The following SLIT1 variants were observed in gnomAD, a reference collection of about 807,000 sequenced individuals.
SLIT1 encodes the protein slit homolog 1 protein.
Under a neutral mutation model 186.1 loss-of-function variants are expected in SLIT1, and 66 were observed. The observed-to-expected ratio is 0.35, with a 90% CI of 0.29 to 0.44. The LOEUF is 0.44. Among genes scored for constraint, SLIT1 ranks in the 20% least tolerant of loss-of-function variants. The pLI is 1.00. For missense variants in SLIT1, 1,638 were observed against 2,037.4 expected (o/e 0.80, Z 3.77); for synonymous variants, 761 against 833.8 (o/e 0.91, Z 1.50).
chr10:97,043,150 A>C lies in SLIT1; in HGVS notation c.1998-83T>G. 1 of 1,474,432 alleles carries C rather than the reference A, an allele frequency of 6.8e-7. No individual in the cohort carries two copies. Among genetic ancestry groups the C allele is most frequent in the South Asian group, 1.3e-5 (1 of 78,896 alleles). 91.3% of individuals were successfully genotyped at this position (1,474,432 alleles called of 1,614,324 possible). ...CAAACCCCTCCTGTACCACGGACAC[A>C]GGGCCACATGGCCACATGGCACTGT... On this transcript the variant is annotated intron_variant, in intron 19 of 36. Transcript: ENST00000266058. This position sits in a 1 kb window ranked among gnomAD's most constrained non-coding sequence, Gnocchi z 7.0.
At chr10:97,110,332 A>T (rs1291266446) in intron 4 of SLIT1, among the ~76,000 whole-genome samples, 1 of 152,176 alleles carries the variant, frequency 6.6e-6, no homozygotes, top group Admixed American at 6.5e-5. Context: ...CCAGGTATTC[A>T]CCGAAGACGC....
At chr10:97,093,460 A>C (rs561599791) in intron 4 of SLIT1, among the ~76,000 whole-genome samples, 26 of 152,348 alleles carry the variant, frequency 1.7e-4, no homozygotes, top group Admixed American at 7.2e-4. Flanking sequence ...AGGCTGACTC[A>C]GTTGGGAAAG....
chr10:97,052,256 C>G (rs1373166958), intron 13 of SLIT1, among the ~76,000 whole-genome samples: 2 of 151,992 alleles, frequency 1.3e-5, no homozygotes, highest in South Asian at 2.1e-4. Context: ...ACCACCACAC[C>G]TGGCTAATTT....
chr10:97,113,207 T>C (rs1445432050), intron 4 of SLIT1, among the ~76,000 whole-genome samples: 1 of 152,236 alleles, frequency 6.6e-6, no homozygotes, highest in African/African-American at 2.4e-5. Flanking sequence ...ATTTTCCATC[T>C]GAATCAGCTC....
intron 1 of SLIT1, among the ~76,000 whole-genome samples, chr10:97,171,021 G>A (rs539405387): frequency 1.1e-4 from 16 of 152,192 alleles, no homozygotes; most frequent in African/African-American, 3.6e-4. Context: ...GCTTGCGGTG[G>A]ATGGAGAGGC....
chr10:97,013,617 A>C, intron 30 of SLIT1, 124 bp downstream of exon 30: 1 of 712,620 alleles, frequency 1.4e-6, no homozygotes, highest in Non-Finnish European at 2.4e-6. Context: ...GGAACCCTGT[A>C]GAGCTGAGAC....
intron 3 of SLIT1, among the ~76,000 whole-genome samples, chr10:97,161,764 G>C (rs182387406): frequency 7.2e-5 from 11 of 152,324 alleles, no homozygotes; most frequent in Non-Finnish European, 1.3e-4. Flanking sequence ...GGCAACAAGA[G>C]TGAAACTCCG....
intron 1 of SLIT1, among the ~76,000 whole-genome samples, chr10:97,185,053 G>A (rs1275828231): frequency 1.3e-5 from 2 of 152,252 alleles, no homozygotes; most frequent in African/African-American, 2.4e-5. Flanking sequence ...GGGAATCTGC[G>A]CAGCTGGCTC....
At chr10:97,072,051 G>A (rs1849005621) in intron 4 of SLIT1, among the ~76,000 whole-genome samples, 2 of 152,232 alleles carry the variant, frequency 1.3e-5, no homozygotes, top group Admixed American at 1.3e-4. Flanking sequence ...TGACTGGGGA[G>A]GAGCAGAGGC....
chr10:97,185,587 C>A lies in SLIT1; in HGVS notation c.88G>T (p.Gly30Cys). Residue 30 changes from glycine (G) to cysteine (C), a missense_variant, in exon 1 of 37, where the codon GGT becomes TGT. Physicochemically the swap from Gly to Cys is radical, Grantham distance 159 (BLOSUM62 -3). Around this residue, in one of 3 missense-constraint regions of SLIT1, gnomAD observed 1,245 missense variants for 1,535.3 expected, o/e 0.81. Coordinates refer to ENST00000266058, the MANE Select transcript of SLIT1 (RefSeq NM_003061.3). ...LLLWAAAWRL[G>C]ASACPALCTC... Reference sequence around the variant, plus strand: ...CAGAGGGCGGGGCACGCCGAGGCACCCAGGCGCCACGCGGCTGCCCACAGC... The same window carrying A: ...CAGAGGGCGGGGCACGCCGAGGCACACAGGCGCCACGCGGCTGCCCACAGC... 1.0e-5 allele frequency: 16 copies of A among 1,600,054 alleles called. No individual in the cohort carries two copies. The highest frequency in any genetic ancestry group is 1.3e-5 in the Non-Finnish European group (15 of 1,174,646).
Position 97,050,689 on chromosome 10 carries a change from TGTGCCTCA to T in SLIT1, c.1302-1579_1302-1572del, listed in dbSNP as rs534641156. Among the ~76,000 whole-genome samples the T allele has an allele frequency of 9.7e-4, 148 of 152,358 alleles. 1 individual carries two copies. Among genetic ancestry groups the T allele is most frequent in the African/African-American group, 3.3e-3 (137 of 41,578 alleles). ...CCCCAGCTGCCCATCCACATCTGGC[TGTGCCTCA>T]GTGCCTCAGCCCCTGCCTGAACCAA... is the stretch of plus-strand genomic sequence containing the variant. On this transcript the variant is annotated intron_variant, in intron 13 of 36. Coordinates refer to ENST00000266058, the MANE Select transcript of SLIT1 (RefSeq NM_003061.3).
chr10:97,000,911 C>T lies in SLIT1; in HGVS notation c.*201G>A, dbSNP rs1460727290. On this transcript the variant is annotated 3_prime_UTR_variant, in exon 37 of 37. Transcript: ENST00000266058. ...GGAGAGGGCAGCCCGCAGCTCAGGC[C>T]TCGCCCACCCCCGCTGCCCCCAGCT... 6 of 592,250 alleles carry T rather than the reference C, an allele frequency of 1.0e-5. No individual in the cohort carries two copies. Among genetic ancestry groups the T allele is most frequent in the Non-Finnish European group, 1.5e-5 (5 of 332,582 alleles). 36.7% of individuals were successfully genotyped at this position (592,250 alleles called of 1,614,324 possible).
intron 1 of SLIT1, among the ~76,000 whole-genome samples, chr10:97,165,135 G>A (rs530784836): frequency 2.0e-5 from 3 of 152,288 alleles, no homozygotes; most frequent in Admixed American, 6.5e-5. Context: ...AACCAAAAAC[G>A]TGGTTTCTGC....
In SLIT1 at chr10:97,021,461, C is replaced by G; in HGVS notation, c.2583-48G>C. ...CAGGCATTACAGCTTCATGGGGTCC[C>G]TCGCCCACTGGGAACCTAGAGTCCC... is the stretch of plus-strand genomic sequence containing the variant. On this transcript the variant is annotated intron_variant, in intron 25 of 36. Coordinates refer to ENST00000266058, the MANE Select transcript of SLIT1 (RefSeq NM_003061.3). The surrounding 1 kb of genome is among the most constrained non-coding windows in gnomAD (Gnocchi z 4.5). 1 of 1,565,490 alleles carries G rather than the reference C, an allele frequency of 6.4e-7. No homozygotes were observed.
intron 4 of SLIT1, among the ~76,000 whole-genome samples, chr10:97,137,378 A>G (rs115134586): frequency 0.014 from 2,120 of 152,272 alleles, 38 homozygotes; most frequent in African/African-American, 0.048. Flanking sequence ...ATAATCAGAA[A>G]ACCACATCTG....
chr10:97,092,266 A>C (rs1849240015), intron 4 of SLIT1, among the ~76,000 whole-genome samples: 1 of 152,224 alleles, frequency 6.6e-6, no homozygotes. Context: ...TCCGATTCCC[A>C]AAAATGTCAC....
rs1323908809 is a variant in SLIT1 at position 97,019,078 on chromosome 10, A to G, written c.2776T>C (p.Cys926Arg). ...CACGGACTGGACAAGCAGAGATCAC[A>G]CTTGGCCTGGACAGCCAGCGTTGGA... ...GPPTLAVQAKCDLCLSSPCQN... is the reference protein window; with the variant it reads ...GPPTLAVQAKRDLCLSSPCQN... Residue 926 changes from cysteine to arginine, a missense_variant, in exon 27 of 37, where the codon TGT (cysteine) becomes CGT (arginine). Physicochemically the swap from Cys to Arg is radical, Grantham distance 180 (BLOSUM62 -3). Transcript: ENST00000266058. 1.2e-6 allele frequency: 2 copies of G among 1,613,748 alleles called. No homozygotes were observed. Among genetic ancestry groups the G allele is most frequent in the Admixed American group, 1.7e-5 (1 of 60,008 alleles).
chr10:97,093,917 C>T (rs1308616420), intron 4 of SLIT1, among the ~76,000 whole-genome samples: 2 of 152,330 alleles, frequency 1.3e-5, no homozygotes, highest in African/African-American at 4.8e-5. Flanking sequence ...TCCCTCACAG[C>T]CACACTTTCC....
chr10:97,114,918 T>C (rs1253394433), intron 4 of SLIT1, among the ~76,000 whole-genome samples: 2 of 152,164 alleles, frequency 1.3e-5, no homozygotes, highest in Non-Finnish European at 2.9e-5. Flanking sequence ...GAGGATTCCA[T>C]AAGATAATGA....
Sources: allele counts gnomAD v4.1 joint callset (sites outside exome capture counted in the v4.1 genomes callset), GRCh38; gene constraint gnomAD v4.1.1; regional missense constraint gnomAD v4.1.1; non-coding constraint Gnocchi (gnomAD v3.1); transcripts MANE v1.5; gene names NCBI Gene and HGNC (gene_info 2026-07-23, HGNC 2026-07-21).